UNC13C: variants seen among roughly 807,000 people sequenced by gnomAD.
UNC13C encodes the protein unc-13 homolog C.
A neutral mutation model predicts 245.4 loss-of-function variants in UNC13C; 174 were observed. The observed-to-expected ratio is 0.71, with a 90% confidence interval of 0.63 to 0.80. The LOEUF is 0.80. UNC13C is among the 30% of genes least tolerant of loss of function. The pLI, the probability that UNC13C is intolerant of heterozygous loss-of-function variation, is 0.00. For missense variants in UNC13C, 2,829 were observed against 2,602.9 expected (o/e 1.09, Z -1.89); for synonymous variants, 992 against 895.1 (o/e 1.11, Z -1.93).
At chr15:54,127,481 C>T (rs2031122120) in intron 2 of UNC13C, among the ~76,000 whole-genome samples, 1 of 151,964 alleles carries the variant, frequency 6.6e-6, no homozygotes, top group Non-Finnish European at 1.5e-5. Context: ...CGCATGTTCT[C>T]ACTCATAAAT....
At position 54,628,291 on chromosome 15, in the gene UNC13C, T is replaced by C. The variant is rs1344932751; in HGVS notation, c.*1178T>C. The stretch of plus-strand genomic sequence containing the variant: ...TTTTTAGAGTCTATGCCAAAATATA[T>C]GGCTGTAAAACAGTACTTTGTAATT... On this transcript the variant is annotated 3_prime_UTR_variant, in exon 33 of 33. Coordinates refer to ENST00000260323, the MANE Select transcript of UNC13C (RefSeq NM_001080534.3). 1 of 152,270 alleles carries C rather than the reference T, an allele frequency of 6.6e-6. No homozygotes were observed. The highest frequency in any genetic ancestry group is 1.5e-5 in the Non-Finnish European group (1 of 68,024). The allele number at this position is 152,270 out of a possible 1,614,324, so 9.4% of individuals were successfully genotyped here. A position where few individuals can be genotyped will look rare whatever the true frequency, so the allele number is the denominator to read the frequency against.
At chr15:54,487,783 AAAAAAAGACAGAG>A (rs1280642043) in intron 19 of UNC13C, among the ~76,000 whole-genome samples, 7 of 97,020 alleles carry the variant, frequency 7.2e-5, no homozygotes, top group Non-Finnish European at 1.3e-4. Context: ...AAAAAAAAAA[AAAAAAAGACAGAG>A]AGAGAGAAAA....
chr15:54,166,838 G>A (rs2033178678), intron 4 of UNC13C, among the ~76,000 whole-genome samples: 1 of 152,196 alleles, frequency 6.6e-6, no homozygotes, highest in East Asian at 1.9e-4. Context: ...AGTTAAAGAT[G>A]ACTTAAATAA....
chr15:54,332,339 T>TGTGTGTGTG (rs763306749), intron 15 of UNC13C, among the ~76,000 whole-genome samples: 54 of 91,066 alleles, frequency 5.9e-4, no homozygotes, highest in African/African-American at 2.3e-3. Context: ...GTGTGTGTGT[T>TGTGTGTGTG]TGTGTATGCA....
intron 30 of UNC13C, among the ~76,000 whole-genome samples, chr15:54,569,737 A>G (rs1433291905): frequency 6.6e-6 from 1 of 152,076 alleles, no homozygotes; most frequent in East Asian, 1.9e-4. Flanking sequence ...CTGACAATAT[A>G]ATTGGTTTTA....
upstream of UNC13C, among the ~76,000 whole-genome samples, chr15:53,976,260 T>G (rs1270967503): frequency 6.6e-6 from 1 of 152,200 alleles, no homozygotes; most frequent in Non-Finnish European, 1.5e-5. Flanking sequence ...GAATCCTGAT[T>G]ATTAGAGCTT....
intron 4 of UNC13C, among the ~76,000 whole-genome samples, chr15:54,155,728 G>C (rs140700191): frequency 0.011 from 1,748 of 152,264 alleles, 15 homozygotes; most frequent in Middle Eastern, 0.027. Flanking sequence ...AAAGTGTTCT[G>C]TACATTTAAG....
At chr15:54,578,905 CG>C (rs1898078691) in intron 30 of UNC13C, among the ~76,000 whole-genome samples, 1 of 152,098 alleles carries the variant, frequency 6.6e-6, no homozygotes, top group South Asian at 2.1e-4. Flanking sequence ...CCTGGGTGCC[CG>C]TTTGTGACAG....
At chr15:53,936,005 C>T in the UNC13C span, among the ~76,000 whole-genome samples, 1 of 152,194 alleles carries the variant, frequency 6.6e-6, no homozygotes, top group East Asian at 1.9e-4. Flanking sequence ...AGGAAGGGGT[C>T]TGAATCCAGG....
intron 17 of UNC13C, among the ~76,000 whole-genome samples, chr15:54,388,463 G>A (rs566608529): frequency 6.6e-6 from 1 of 152,172 alleles, no homozygotes; most frequent in South Asian, 2.1e-4. Context: ...TTCCTCACAG[G>A]TGCAATTTCA....
chr15:54,157,849 A>G (rs1396941521), intron 4 of UNC13C, among the ~76,000 whole-genome samples: 1 of 152,210 alleles, frequency 6.6e-6, no homozygotes, highest in Non-Finnish European at 1.5e-5. Context: ...AGAAATGGGG[A>G]AAGGATTCCC....
chr15:54,516,966 G>C (rs984899985), intron 24 of UNC13C, among the ~76,000 whole-genome samples: 3 of 152,068 alleles, frequency 2.0e-5, no homozygotes, highest in African/African-American at 7.2e-5. Flanking sequence ...GTGCAGGCAA[G>C]TATTTGTATT....
At chr15:54,242,523 A>G (rs1466018240) in intron 7 of UNC13C, among the ~76,000 whole-genome samples, 1 of 152,074 alleles carries the variant, frequency 6.6e-6, no homozygotes, top group Non-Finnish European at 1.5e-5. Context: ...CTTTTGTAAA[A>G]TTAAAACTGC....
intron 1 of UNC13C, among the ~76,000 whole-genome samples, chr15:53,983,336 C>G (rs1471955285): frequency 6.6e-6 from 1 of 152,000 alleles, no homozygotes; most frequent in Non-Finnish European, 1.5e-5. Flanking sequence ...ATATGTTAGA[C>G]AAAAGAGGGC....
At chr15:53,838,368 A>C in the UNC13C span, among the ~76,000 whole-genome samples, 1 of 152,212 alleles carries the variant, frequency 6.6e-6, no homozygotes, top group African/African-American at 2.4e-5. Context: ...GCATACTTGT[A>C]GCATATAGAT....
At chr15:54,318,936 C>T (rs2038080100) in intron 13 of UNC13C, among the ~76,000 whole-genome samples, 1 of 151,886 alleles carries the variant, frequency 6.6e-6, no homozygotes, top group Admixed American at 6.6e-5. Context: ...GAAGTAACCA[C>T]TAAGCTGCTG....
intron 19 of UNC13C, among the ~76,000 whole-genome samples, chr15:54,480,416 C>T (rs1375025148): frequency 7.0e-6 from 1 of 142,508 alleles, no homozygotes; most frequent in Non-Finnish European, 1.5e-5. Context: ...TTTTTTTACT[C>T]TTTTTTTTTT....
At chr15:53,970,563 A>T in the UNC13C span, among the ~76,000 whole-genome samples, 1 of 152,154 alleles carries the variant, frequency 6.6e-6, no homozygotes, top group Admixed American at 6.5e-5. Flanking sequence ...ATTATCCTCC[A>T]CAAACTAATG....
rs1320970509 is a variant in UNC13C, at chr15:54,338,468, C to G, written c.4692C>G (p.Leu1564=). The G allele has an allele frequency of 6.2e-7, 1 of 1,613,160 alleles. No homozygotes were observed. Among genetic ancestry groups the G allele is most frequent in the Non-Finnish European group, 8.5e-7 (1 of 1,179,292 alleles). ...ATATTTTTGACAACTGCCATGAACTCTACTCCCAGCTAACAGACCCGGTAA... is the reference window on the plus strand; with the variant it reads ...ATATTTTTGACAACTGCCATGAACTGTACTCCCAGCTAACAGACCCGGTAA... ...YKYIFDNCHE[L]YSQLTDPSKK... Residue 1564 remains leucine, a synonymous_variant, in exon 17 of 33, where the codon CTC becomes CTG. Coordinates refer to ENST00000260323, the MANE Select transcript of UNC13C (RefSeq NM_001080534.3).
Sources: allele counts gnomAD v4.1 joint callset (sites outside exome capture counted in the v4.1 genomes callset), GRCh38; gene constraint gnomAD v4.1.1; transcripts MANE v1.5; gene names NCBI Gene and HGNC (gene_info 2026-07-23, HGNC 2026-07-21).